L3HYPDH: variants seen among roughly 807,000 people sequenced by gnomAD.
L3HYPDH encodes the protein trans-L-3-hydroxyproline dehydratase.
In L3HYPDH, 32 loss-of-function variants were observed where a neutral mutation model predicts 26.5. The ratio of observed to expected loss-of-function variants is 1.21; its 90% CI spans 0.91 to 1.62. The LOEUF is 1.62. Ranked by LOEUF, L3HYPDH falls within the 40% of genes most tolerant of loss-of-function variation. The pLI, the probability that L3HYPDH is intolerant of heterozygous loss-of-function variation, is 0.00. For synonymous variants in L3HYPDH, 215 were observed against 196.6 expected, an observed-to-expected ratio of 1.09 and a Z score of -0.78; for missense variants, 554 against 476.4, an observed-to-expected ratio of 1.16 and a Z score of -1.52.
the L3HYPDH span, among the ~76,000 whole-genome samples, chr14:59,490,811 C>T: frequency 6.6e-6 from 1 of 152,062 alleles, no homozygotes; most frequent in African/African-American, 2.4e-5. Context: ...GAATAATTGT[C>T]CAGTCAATTG....
chr14:59,468,038 T>C (rs964793482), downstream of L3HYPDH, among the ~76,000 whole-genome samples: 1 of 149,854 alleles, frequency 6.7e-6, no homozygotes, highest in Non-Finnish European at 1.5e-5. Context: ...TCCTACATTG[T>C]AGGCAGCTAG....
the L3HYPDH span, chr14:59,504,413 G>A: frequency 8.8e-5 from 20 of 227,224 alleles, no homozygotes; most frequent in East Asian, 1.7e-3. Flanking sequence ...GCTTTAACAC[G>A]TGTAATCTGC....
At chr14:59,498,112 A>G in the L3HYPDH span, among the ~76,000 whole-genome samples, 1 of 152,164 alleles carries the variant, frequency 6.6e-6, no homozygotes, top group African/African-American at 2.4e-5. Flanking sequence ...AGAATAAAAT[A>G]ATCTGTAATT....
At chr14:59,496,964 C>T in the L3HYPDH span, among the ~76,000 whole-genome samples, 4 of 121,798 alleles carry the variant, frequency 3.3e-5, no homozygotes, top group East Asian at 4.0e-4. Context: ...TAAGCACTTC[C>T]GAAGGTTGTA....
chr14:59,499,703 G>A, the L3HYPDH span, among the ~76,000 whole-genome samples: 1 of 140,688 alleles, frequency 7.1e-6, no homozygotes, highest in African/African-American at 2.5e-5. Context: ...ATGTAATTTG[G>A]TAATATAGTT....
chr14:59,474,301 T>C, intron 4 of L3HYPDH: 1 of 541,536 alleles, frequency 1.8e-6, no homozygotes, highest in Non-Finnish European at 3.3e-6. Context: ...CTATCACACA[T>C]ACACAGTAGG....
upstream of L3HYPDH, chr14:59,487,435 TGTTA>T (rs1383772515): frequency 8.5e-6 from 3 of 351,758 alleles, no homozygotes; most frequent in African/African-American, 6.2e-5. Context: ...TTTCATTGAA[TGTTA>T]GTCAACTATT....
At position 59,479,245 on chromosome 14, in the gene L3HYPDH, A is replaced by G. The variant is rs1232221028; in HGVS notation, c.615T>C (p.Cys205=). ...VTAEKLGLDI[C]SAKTRDLVDA... ...CCACAAGGTCCCTGGTCTTTGCAGA[A>G]CAAATGTCTAGTCCTAACTTTTCAG... Residue 205 remains cysteine, a synonymous_variant, in exon 2 of 5, where the codon TGT becomes TGC. Coordinates refer to ENST00000247194, the MANE Select transcript of L3HYPDH (RefSeq NM_144581.2). 1.2e-6 allele frequency: 2 copies of G among 1,613,680 alleles called. No homozygotes were observed. Among genetic ancestry groups the G allele is most frequent in the East Asian group, 4.5e-5 (2 of 44,880 alleles).
chr14:59,496,758 C>T, the L3HYPDH span, among the ~76,000 whole-genome samples: 1 of 152,146 alleles, frequency 6.6e-6, no homozygotes, highest in Non-Finnish European at 1.5e-5. Context: ...ATCCCTGAAT[C>T]AAGATTGTTT....
chr14:59,487,553 A>G (rs994366492), upstream of L3HYPDH: 1 of 698,472 alleles, frequency 1.4e-6, no homozygotes, highest in Non-Finnish European at 2.4e-6. Context: ...TTATTTCTAA[A>G]AGCTGCACAT....
chr14:59,485,219 G>A (rs1890442394), upstream of L3HYPDH: 4 of 1,259,982 alleles, frequency 3.2e-6, no homozygotes, highest in Non-Finnish European at 4.4e-6. Flanking sequence ...TATTTATTAA[G>A]CATCTACTAG....
intron 1 of L3HYPDH, among the ~76,000 whole-genome samples, chr14:59,482,995 G>A (rs1474294945): frequency 6.6e-6 from 1 of 152,224 alleles, no homozygotes; most frequent in Non-Finnish European, 1.5e-5. Context: ...TGGTTATAGA[G>A]ATGCCCTGCT....
chr14:59,504,146 G>A, the L3HYPDH span: 1 of 843,868 alleles, frequency 1.2e-6, no homozygotes, highest in East Asian at 2.5e-5. Flanking sequence ...AACAGTGTAT[G>A]AGAACTATTC....
intron 1 of L3HYPDH, among the ~76,000 whole-genome samples, chr14:59,479,704 T>C (rs892186361): frequency 2.0e-5 from 3 of 152,222 alleles, no homozygotes; most frequent in Non-Finnish European, 4.4e-5. Flanking sequence ...AAGGAAAATG[T>C]CTATTCCCCA....
At chr14:59,474,449 C>T (rs980232657) in intron 4 of L3HYPDH, 50 of 684,788 alleles carry the variant, frequency 7.3e-5, no homozygotes, top group African/African-American at 5.2e-4. Flanking sequence ...CTGGACTTGT[C>T]TGAGTCATTC....
the L3HYPDH span, among the ~76,000 whole-genome samples, chr14:59,503,146 A>C: frequency 1.3e-5 from 2 of 152,162 alleles, no homozygotes; most frequent in Admixed American, 6.5e-5. Flanking sequence ...CTCCTATATA[A>C]AATGTTCACA....
In L3HYPDH at chr14:59,483,819, C is replaced by A. The variant is rs1890251367; in HGVS notation, c.498G>T (p.Val166=). ...GGTCCCGCCCATTACCTGTGGCCAG[C>A]ACGAAGGCCGGGACGCTGTGGAAGC... is the stretch of plus-strand genomic sequence containing the variant. ...PVRFHSVPAF[V]LATDLMVDVP... The change falls in exon 1 of 5, where the codon GTG becomes GTT. Residue 166 remains valine (V), a synonymous_variant. Coordinates refer to ENST00000247194, the MANE Select transcript of L3HYPDH (RefSeq NM_144581.2). 1 of 1,592,990 alleles carries A rather than the reference C, an allele frequency of 6.3e-7. No individual in the cohort carries two copies.
chr14:59,504,538 A>G, the L3HYPDH span: 1 of 154,326 alleles, frequency 6.5e-6, no homozygotes, highest in South Asian at 2.0e-4. Flanking sequence ...CATAGAAATG[A>G]TGTATATTGT....
intron 2 of L3HYPDH, among the ~76,000 whole-genome samples, chr14:59,477,175 G>A (rs1889690952): frequency 6.6e-6 from 1 of 152,096 alleles, no homozygotes; most frequent in Non-Finnish European, 1.5e-5. Context: ...CTGTTCACAG[G>A]TATGCTCGCT....
Sources: allele counts gnomAD v4.1 joint callset (sites outside exome capture counted in the v4.1 genomes callset), GRCh38; gene constraint gnomAD v4.1.1; transcripts MANE v1.5; gene names NCBI Gene and HGNC (gene_info 2026-07-23, HGNC 2026-07-21).